The following STK32B variants were observed in gnomAD, a reference collection of about 807,000 sequenced individuals.
The protein encoded by STK32B is serine/threonine kinase 32B, also known as serine/threonine-protein kinase 32B.
A neutral mutation model predicts 52.6 loss-of-function variants in STK32B; 43 were observed. The ratio of observed to expected loss-of-function variants is 0.82; its 90% CI spans 0.64 to 1.05. The LOEUF is 1.05. Ranked by LOEUF, STK32B falls within the 50% of genes least tolerant of loss-of-function variation. The pLI is 0.00. For synonymous variants in STK32B, 238 were observed against 204.3 expected, an observed-to-expected ratio of 1.17 and a Z score of -1.41; for missense variants, 621 against 534.6, an observed-to-expected ratio of 1.16 and a Z score of -1.59.
At chr4:5,201,236 G>T (rs565664416) in intron 3 of STK32B, among the ~76,000 whole-genome samples, 1 of 152,250 alleles carries the variant, frequency 6.6e-6, no homozygotes, top group South Asian at 2.1e-4. Flanking sequence ...CTCCTGTGCC[G>T]AAAGTCAGTG....
rs1253475027 is a variant in STK32B at position 5,378,424 on chromosome 4, T to TTG, written c.435-19782_435-19781insGT. On this transcript the variant is annotated intron_variant, in intron 4 of 11. Coordinates refer to ENST00000282908, the MANE Select transcript of STK32B (RefSeq NM_018401.3). This position sits in a 1 kb window ranked among gnomAD's most constrained non-coding sequence, Gnocchi z 4.4. ...GCCCTGGACTTTGCATTTTATTTTA[T>TTG]TTTTTTCCTTTATGACGTGAGTTAA... Among the ~76,000 whole-genome samples, 1 of 150,908 alleles carries TTG rather than the reference T, an allele frequency of 6.6e-6. No individual in the cohort carries two copies. The highest frequency in any genetic ancestry group is 2.5e-5 in the African/African-American group (1 of 40,204).
At position 5,470,068 on chromosome 4, in the gene STK32B, T is replaced by C. The variant is rs186528115; in HGVS notation, c.1106+1998T>C. On this transcript the variant is annotated intron_variant, in intron 11 of 11. Transcript: ENST00000282908. The surrounding 1 kb of genome is among the most constrained non-coding windows in gnomAD (Gnocchi z 4.6). ...GACCCAAGCAGACAGCAATCTCATTTCACCTTTTGCTGTGTGCCAGAACAT... is the reference window on the plus strand; with the variant it reads ...GACCCAAGCAGACAGCAATCTCATTCCACCTTTTGCTGTGTGCCAGAACAT... Among the ~76,000 whole-genome samples, 4 of 152,318 alleles carry C rather than the reference T, an allele frequency of 2.6e-5. No homozygotes were observed. Among genetic ancestry groups the C allele is most frequent in the African/African-American group, 9.6e-5 (4 of 41,572 alleles).
upstream of STK32B, among the ~76,000 whole-genome samples, chr4:5,047,279 G>A (rs1741637536): frequency 6.6e-6 from 1 of 151,796 alleles, no homozygotes; most frequent in Admixed American, 6.6e-5. Context: ...ATAAGTGGGA[G>A]CTGAACAATG....
In STK32B at chr4:5,060,683, C is replaced by G. The variant is rs142710187; in HGVS notation, c.52+8768C>G. On this transcript the variant is annotated intron_variant, in intron 1 of 11. Coordinates refer to ENST00000282908, the MANE Select transcript of STK32B (RefSeq NM_018401.3). ...TGATGAAGTATTCTCTTCATCATTTCTTTTATTGCATGCTTTGTAGTGACA... is the reference window on the plus strand; with the variant it reads ...TGATGAAGTATTCTCTTCATCATTTGTTTTATTGCATGCTTTGTAGTGACA... 1.3e-3 allele frequency among the ~76,000 whole-genome samples: 202 copies of G among 152,076 alleles called. 4 individuals carry two copies. Among genetic ancestry groups the G allele is most frequent in the Non-Finnish European group, 5.7e-4 (39 of 67,984 alleles).
the STK32B span, among the ~76,000 whole-genome samples, chr4:5,038,040 C>G: frequency 6.6e-6 from 1 of 152,138 alleles, no homozygotes; most frequent in Non-Finnish European, 1.5e-5. Flanking sequence ...AAAATGCCAG[C>G]CAACACTGTG....
chr4:5,290,869 ATAT>A lies in STK32B; in HGVS notation c.261-40349_261-40347del, dbSNP rs561567969. Reference sequence around the variant, plus strand: ...AATTATTTTTAAAATTTCAGCTATAATATTTGCCAATATTGCAAGCTGATAGTA... The same window carrying A: ...AATTATTTTTAAAATTTCAGCTATAATTGCCAATATTGCAAGCTGATAGTA... On this transcript the variant is annotated intron_variant, in intron 3 of 11. Transcript: ENST00000282908. 4.1e-3 allele frequency among the ~76,000 whole-genome samples: 619 copies of A among 152,292 alleles called. 3 individuals carry two copies. The highest frequency in any genetic ancestry group is 0.014 in the African/African-American group (595 of 41,578).
intron 1 of STK32B, among the ~76,000 whole-genome samples, chr4:5,082,128 T>TC (rs1369099058): frequency 6.6e-6 from 1 of 152,180 alleles, no homozygotes; most frequent in Non-Finnish European, 1.5e-5. Flanking sequence ...CTTTTTTTTT[T>TC]CTCCCTTGGA....
chr4:5,317,875 C>T (rs1731213730), intron 3 of STK32B, among the ~76,000 whole-genome samples: 2 of 152,026 alleles, frequency 1.3e-5, no homozygotes, highest in Admixed American at 1.3e-4. Context: ...CGGCACTTCT[C>T]AAAGTGCTGT....
At chr4:5,143,013 C>T (rs1384071590) in intron 2 of STK32B, among the ~76,000 whole-genome samples, 1 of 152,206 alleles carries the variant, frequency 6.6e-6, no homozygotes, top group African/African-American at 2.4e-5. Flanking sequence ...AGCCTGCCAG[C>T]ATGCCCTGTA....
chr4:5,319,347 C>G (rs1410654434), intron 3 of STK32B, among the ~76,000 whole-genome samples: 39 of 152,168 alleles, frequency 2.6e-4, no homozygotes, highest in Non-Finnish European at 4.4e-5. Flanking sequence ...GCAATATTGC[C>G]TCAACTGCTC....
In STK32B at chr4:5,446,738, T is replaced by G; in HGVS notation, c.628T>G (p.Ser210Ala). The G allele has an allele frequency of 6.2e-7, 1 of 1,614,012 alleles. No homozygotes were observed. The highest frequency in any genetic ancestry group is 8.5e-7 in the Non-Finnish European group (1 of 1,179,984). The stretch of plus-strand genomic sequence containing the variant: ...ATACTCGTACCCTGTCGACTGGTGG[T>G]CCCTGGGCATCACAGCCTATGAGCT... ...PGYSYPVDWW[S>A]LGITAYELLR... is the part of the protein sequence containing the mutation. Residue 210 changes from serine (S) to alanine (A), a missense_variant, in exon 7 of 12, where the codon TCC becomes GCC. Coordinates refer to ENST00000282908, the MANE Select transcript of STK32B (RefSeq NM_018401.3).
Position 5,470,513 on chromosome 4 carries a change from G to A in STK32B, c.1106+2443G>A, listed in dbSNP as rs979835490. 5.9e-5 allele frequency among the ~76,000 whole-genome samples: 9 copies of A among 151,990 alleles called. No homozygotes were observed. Among genetic ancestry groups the A allele is most frequent in the South Asian group, 2.1e-4 (1 of 4,804 alleles). On this transcript the variant is annotated intron_variant, in intron 11 of 11. Coordinates refer to ENST00000282908, the MANE Select transcript of STK32B (RefSeq NM_018401.3). The surrounding 1 kb of genome is among the most constrained non-coding windows in gnomAD (Gnocchi z 4.6). ...CTGCTTACCTAAGTGCTTCCTCTGC[G>A]GCCCTGATGGCTGATAGGCTTCCTG... is the stretch of plus-strand genomic sequence containing the variant.
chr4:5,061,799 C>G (rs1018790344), intron 1 of STK32B, among the ~76,000 whole-genome samples: 1 of 152,148 alleles, frequency 6.6e-6, no homozygotes, highest in African/African-American at 2.4e-5. Flanking sequence ...TTTGGTAGTT[C>G]CTGATGTTCA....
At chr4:5,111,984 T>C (rs1419022745) in intron 1 of STK32B, among the ~76,000 whole-genome samples, 1 of 152,162 alleles carries the variant, frequency 6.6e-6, no homozygotes, top group African/African-American at 2.4e-5. Context: ...TAGTAAGCAG[T>C]GCATAACATG....
At chr4:5,137,666 A>G (rs1343784441) in intron 1 of STK32B, among the ~76,000 whole-genome samples, 2 of 152,176 alleles carry the variant, frequency 1.3e-5, no homozygotes, top group African/African-American at 2.4e-5. Context: ...TGACAGACTG[A>G]CTGAATAGAG....
rs192896940 is a variant in STK32B, at chr4:5,184,485, C to G, written c.260+16035C>G. On this transcript the variant is annotated intron_variant, in intron 3 of 11. Coordinates refer to ENST00000282908, the MANE Select transcript of STK32B (RefSeq NM_018401.3). Reference sequence around the variant, plus strand: ...GGTGGATCCCTTGAGGTCAGGAGTTCCAAACCAGTCTGGCCAACATGGTGA... The same window carrying G: ...GGTGGATCCCTTGAGGTCAGGAGTTGCAAACCAGTCTGGCCAACATGGTGA... Among the ~76,000 whole-genome samples the G allele has an allele frequency of 3.0e-3, 452 of 151,986 alleles. 1 individual carries two copies. The highest frequency in any genetic ancestry group is 0.01 in the African/African-American group (424 of 41,464).
rs374041324 is a variant in STK32B, at chr4:5,437,774, G to A, written c.563-8899G>A. 206 of 295,848 alleles carry A rather than the reference G, an allele frequency of 7.0e-4. 1 individual carries two copies. The highest frequency in any genetic ancestry group is 3.8e-3 in the African/African-American group (168 of 44,240). 18.3% of individuals were successfully genotyped at this position (295,848 alleles called of 1,614,324 possible). On this transcript the variant is annotated intron_variant, in intron 6 of 11. Transcript: ENST00000282908. ...CTTAACATGGCACCTGACAAATCAC[G>A]GTTGCTATTGTTCAGATATGTGGTT...
At chr4:5,340,879 A>T (rs1320974920) in intron 4 of STK32B, among the ~76,000 whole-genome samples, 1 of 152,222 alleles carries the variant, frequency 6.6e-6, no homozygotes, top group African/African-American at 2.4e-5. Flanking sequence ...ACATGCACAT[A>T]TACAAATATC....
chr4:5,268,373 C>G (rs1415304532), intron 3 of STK32B, among the ~76,000 whole-genome samples: 1 of 152,166 alleles, frequency 6.6e-6, no homozygotes, highest in African/African-American at 2.4e-5. Flanking sequence ...CTCGACCGCT[C>G]TGCCCCAGGA....
Sources: allele counts gnomAD v4.1 joint callset (sites outside exome capture counted in the v4.1 genomes callset), GRCh38; gene constraint gnomAD v4.1.1; non-coding constraint Gnocchi (gnomAD v3.1); transcripts MANE v1.5; gene names NCBI Gene and HGNC (gene_info 2026-07-23, HGNC 2026-07-21).